SPAG16: variants seen among roughly 807,000 people sequenced by gnomAD.
SPAG16 encodes sperm-associated antigen 16 protein.
SPAG16 carries 86 observed loss-of-function variants against 80.4 expected under a neutral mutation model. The ratio of observed to expected loss-of-function variants is 1.07; its 90% CI spans 0.90 to 1.28. SPAG16 has a LOEUF of 1.28. Ranked by LOEUF, SPAG16 falls within the 50% of genes most tolerant of loss-of-function variation. The pLI is 0.00. For synonymous variants in SPAG16, 294 were observed against 265.9 expected (o/e 1.11, Z -1.03); for missense variants, 870 against 765.3 (o/e 1.14, Z -1.61).
chr2:213,356,558 A>C (rs900808657), intron 7 of SPAG16, among the ~76,000 whole-genome samples: 7 of 152,108 alleles, frequency 4.6e-5, no homozygotes, highest in African/African-American at 1.7e-4. Context: ...GTATTCTCTG[A>C]TGGTAGTTTG....
At chr2:214,308,684 CT>C (rs543798778) in intron 15 of SPAG16, among the ~76,000 whole-genome samples, 11 of 148,662 alleles carry the variant, frequency 7.4e-5, no homozygotes, top group East Asian at 5.9e-4. Flanking sequence ...TTTGGAAATT[CT>C]TTTTTTTTTA....
intron 3 of SPAG16, among the ~76,000 whole-genome samples, chr2:213,300,146 T>C (rs2062677213): frequency 6.6e-6 from 1 of 152,162 alleles, no homozygotes; most frequent in Non-Finnish European, 1.5e-5. Flanking sequence ...TTTTTATAAA[T>C]GTAGAATTTT....
chr2:213,544,681 G>A (rs1380570331), intron 10 of SPAG16, among the ~76,000 whole-genome samples: 4 of 151,716 alleles, frequency 2.6e-5, no homozygotes, highest in South Asian at 2.1e-4. Context: ...TATTCATATC[G>A]CTCCCCCCTC....
chr2:214,107,801 C>T (rs955833830), intron 13 of SPAG16, among the ~76,000 whole-genome samples: 1 of 152,062 alleles, frequency 6.6e-6, no homozygotes, highest in Non-Finnish European at 1.5e-5. Context: ...AAAAGAGAGA[C>T]CCCACTGCCT....
chr2:214,051,342 G>A (rs2049632592), intron 13 of SPAG16, among the ~76,000 whole-genome samples: 1 of 152,134 alleles, frequency 6.6e-6, no homozygotes, highest in African/African-American at 2.4e-5. Flanking sequence ...AAGACCAAAA[G>A]GAATTGCCAA....
chr2:213,423,040 T>C (rs2069693309), intron 9 of SPAG16, among the ~76,000 whole-genome samples: 1 of 152,234 alleles, frequency 6.6e-6, no homozygotes, highest in African/African-American at 2.4e-5. Flanking sequence ...TTTTATTGAC[T>C]TATTTTCTCA....
At chr2:213,786,671 G>A (rs562602884) in intron 10 of SPAG16, among the ~76,000 whole-genome samples, 1 of 152,128 alleles carries the variant, frequency 6.6e-6, no homozygotes, top group East Asian at 1.9e-4. Flanking sequence ...AAAACATATG[G>A]CAGAAAAGCT....
At chr2:213,654,963 CTGAGT>C (rs1386334263) in intron 10 of SPAG16, among the ~76,000 whole-genome samples, 1 of 152,168 alleles carries the variant, frequency 6.6e-6, no homozygotes, top group African/African-American at 2.4e-5. Flanking sequence ...AGTGATTACT[CTGAGT>C]TATTAGAAAA....
At chr2:213,904,568 C>G (rs1020685671) in intron 11 of SPAG16, among the ~76,000 whole-genome samples, 3 of 98,434 alleles carry the variant, frequency 3.0e-5, no homozygotes, top group African/African-American at 4.5e-5. Flanking sequence ...GACACAGAGC[C>G]AAACCATATC....
chr2:214,017,310 A>G (rs1559696678), intron 13 of SPAG16, among the ~76,000 whole-genome samples: 1 of 152,170 alleles, frequency 6.6e-6, no homozygotes, highest in Non-Finnish European at 1.5e-5. Flanking sequence ...CGTCAATGGA[A>G]AAGTAAGATT....
chr2:213,285,750 C>A, intron 1 of SPAG16: 3 of 475,714 alleles, frequency 6.3e-6, no homozygotes, highest in South Asian at 2.0e-5. Context: ...ATTTGAATCG[C>A]TTGAAATGAA....
chr2:213,704,264 A>T lies in SPAG16; in HGVS notation c.1071-158221A>T, dbSNP rs549721270. ...GTGTAAAGTGGGAATAATAAAAGTA[A>T]TTTTCTCACAGAGTTGTGAGAATAA... On this transcript the variant is annotated intron_variant, in intron 10 of 15. Coordinates refer to ENST00000331683, the MANE Select transcript of SPAG16 (RefSeq NM_024532.5). Among the ~76,000 whole-genome samples the T allele has an allele frequency of 1.6e-4, 24 of 152,312 alleles. No homozygotes were observed. The South Asian group carries it at 4.8e-3, about 30-fold the overall frequency.
chr2:213,538,847 T>G (rs892869079), intron 10 of SPAG16, among the ~76,000 whole-genome samples: 5 of 152,260 alleles, frequency 3.3e-5, no homozygotes, highest in Middle Eastern at 3.4e-3. Flanking sequence ...ATCTATTATC[T>G]ATCTATCATC....
At chr2:214,285,117 CA>C (rs1158633134) in intron 15 of SPAG16, among the ~76,000 whole-genome samples, 2 of 152,144 alleles carry the variant, frequency 1.3e-5, no homozygotes, top group Admixed American at 6.5e-5. Context: ...TCTCTTTCCT[CA>C]TATTCTTGCC....
chr2:214,141,756 C>G (rs146929711), intron 14 of SPAG16, among the ~76,000 whole-genome samples: 2 of 152,092 alleles, frequency 1.3e-5, no homozygotes, highest in Admixed American at 6.6e-5. Context: ...ATTGAAATGT[C>G]TTTAAAATAT....
intron 10 of SPAG16, among the ~76,000 whole-genome samples, chr2:213,527,383 T>G (rs2075925090): frequency 6.6e-6 from 1 of 152,232 alleles, no homozygotes; most frequent in Non-Finnish European, 1.5e-5. Context: ...TTGTTCTCTC[T>G]CTGCTTCTGT....
At chr2:214,357,635 A>G (rs891793592) in intron 15 of SPAG16, among the ~76,000 whole-genome samples, 2 of 151,888 alleles carry the variant, frequency 1.3e-5, no homozygotes, top group Non-Finnish European at 2.9e-5. Context: ...ATTTTTTAAT[A>G]TATTCAATGT....
chr2:213,297,482 GTTTA>G (rs1216599549), intron 3 of SPAG16, 125 bp downstream of exon 3: 6 of 531,138 alleles, frequency 1.1e-5, no homozygotes, highest in Non-Finnish European at 2.0e-5. Context: ...TTTCATCTCT[GTTTA>G]TTTGTGATCA....
intron 14 of SPAG16, among the ~76,000 whole-genome samples, chr2:214,118,807 A>G (rs1288152314): frequency 6.9e-6 from 1 of 145,412 alleles, no homozygotes. Context: ...ATTCAGTGCA[A>G]TCTCTATCAA....
Sources: allele counts gnomAD v4.1 joint callset (sites outside exome capture counted in the v4.1 genomes callset), GRCh38; gene constraint gnomAD v4.1.1; transcripts MANE v1.5; gene names NCBI Gene and HGNC (gene_info 2026-07-23, HGNC 2026-07-21).